The following TMEM131L variants were observed in gnomAD, a reference collection of about 807,000 sequenced individuals.
The protein encoded by TMEM131L is transmembrane 131 like.
TMEM131L carries 54 observed loss-of-function variants against 192.2 expected under a neutral mutation model. That is an observed-to-expected ratio of 0.28 (90% CI 0.23 to 0.35). The LOEUF (loss-of-function observed/expected upper bound fraction) is 0.35. Ranked by LOEUF, TMEM131L falls within the 10% of genes least tolerant of loss-of-function variation. TMEM131L has a pLI of 1.00. For synonymous variants in TMEM131L, 701 were observed against 704.9 expected (o/e 0.99, Z 0.09); for missense variants, 1,888 against 1,972.9 (o/e 0.96, Z 0.82).
At chr4:153,570,576 GCCTT>G (rs532473994) in intron 7 of TMEM131L, among the ~76,000 whole-genome samples, 144 of 152,268 alleles carry the variant, frequency 9.5e-4, no homozygotes, top group Middle Eastern at 6.8e-3. Flanking sequence ...TACTCGGCCT[GCCTT>G]CCTTCTGTTT....
At position 153,492,244 on chromosome 4, in the gene TMEM131L, C is replaced by T. The variant is rs376133728; in HGVS notation, c.239+18356C>T. On this transcript the variant is annotated intron_variant, in intron 3 of 34. Coordinates refer to ENST00000409959, the MANE Select transcript of TMEM131L (RefSeq NM_001131007.2). ...TGCCCAGGCTGGCCTCAAACTCCTG[C>T]GCTCAACAGTTCTCCCATTTTGGCC... is the stretch of plus-strand genomic sequence containing the variant. Among the ~76,000 whole-genome samples the T allele has an allele frequency of 1.2e-3, 188 of 152,226 alleles. 1 individual carries two copies. The highest frequency in any genetic ancestry group is 3.4e-3 in the Middle Eastern group (1 of 294).
At chr4:153,580,945 G>T (rs1313372531) in intron 8 of TMEM131L, 42 bp downstream of exon 8, 1 of 1,355,168 alleles carries the variant, frequency 7.4e-7, no homozygotes, top group Admixed American at 1.7e-5. Context: ...CTTTCCTCCT[G>T]CCTCTTTGCT....
intron 3 of TMEM131L, among the ~76,000 whole-genome samples, chr4:153,480,135 C>G (rs138220891): frequency 6.6e-6 from 1 of 152,186 alleles, no homozygotes; most frequent in Non-Finnish European, 1.5e-5. Context: ...GTCAGGAGAT[C>G]GAGACCATCC....
intron 3 of TMEM131L, among the ~76,000 whole-genome samples, chr4:153,497,146 G>A (rs972250697): frequency 1.3e-5 from 2 of 152,222 alleles, no homozygotes; most frequent in Admixed American, 6.5e-5. Flanking sequence ...ACTGGCATGA[G>A]CCAGCACACC....
Position 153,581,394 on chromosome 4 carries a change from C to A in TMEM131L, c.739-13C>A, listed in dbSNP as rs1578794134. The A allele has an allele frequency of 6.6e-7, 1 of 1,510,060 alleles. No individual in the cohort carries two copies. The highest frequency in any genetic ancestry group is 8.9e-7 in the Non-Finnish European group (1 of 1,125,752). The allele number at this position is 1,510,060 out of a possible 1,614,324, so 93.5% of individuals were successfully genotyped here. ...TTTTTTTTTTCCTTTTTTCCTCCTC[C>A]TTCCAACCATAGGGTTGTTATCTGG... On this transcript the variant is annotated splice_polypyrimidine_tract_variant and intron_variant, in intron 8 of 34. Coordinates refer to ENST00000409959, the MANE Select transcript of TMEM131L (RefSeq NM_001131007.2).
intron 7 of TMEM131L, among the ~76,000 whole-genome samples, chr4:153,561,584 G>A (rs1373072485): frequency 2.6e-5 from 4 of 152,158 alleles, no homozygotes; most frequent in East Asian, 1.9e-4. Context: ...GCATGTAGAT[G>A]TCTGGTAGTT....
In TMEM131L at chr4:153,537,988, A is replaced by G. The variant is rs187545145; in HGVS notation, c.240-12085A>G. On this transcript the variant is annotated intron_variant, in intron 3 of 34. Transcript: ENST00000409959. ...CAAGAACTCTGCAGTTTCACACAACACTGAACAACTTTAAGTAGAGCGGGA... is the reference window on the plus strand; with the variant it reads ...CAAGAACTCTGCAGTTTCACACAACGCTGAACAACTTTAAGTAGAGCGGGA... 2.2e-4 allele frequency among the ~76,000 whole-genome samples: 33 copies of G among 152,314 alleles called. No homozygotes were observed. In the East Asian group the frequency reaches 5.6e-3, roughly 26 times the overall value.
At chr4:153,582,886 GT>G (rs1561213011) in intron 9 of TMEM131L, among the ~76,000 whole-genome samples, 1 of 152,074 alleles carries the variant, frequency 6.6e-6, no homozygotes, top group Non-Finnish European at 1.5e-5. Context: ...CAGTTGGTTA[GT>G]TTCATTCAGA....
rs1161020906 is a variant in TMEM131L at position 153,628,027 on chromosome 4, G to A, written c.4207+340G>A. Among the ~76,000 whole-genome samples the A allele has an allele frequency of 2.0e-5, 3 of 152,250 alleles. No homozygotes were observed. In the East Asian group the frequency reaches 5.8e-4, roughly 29 times the overall value. On this transcript the variant is annotated intron_variant, in intron 31 of 34. Transcript: ENST00000409959. ...CAGAGATGACAGAAAAGTACAGAAGGTAGATGCGTGGCCCAAGGGAAGGAG... is the reference window on the plus strand; with the variant it reads ...CAGAGATGACAGAAAAGTACAGAAGATAGATGCGTGGCCCAAGGGAAGGAG...
intron 2 of TMEM131L, among the ~76,000 whole-genome samples, chr4:153,467,905 C>T (rs1020221096): frequency 6.6e-6 from 1 of 152,164 alleles, no homozygotes; most frequent in African/African-American, 2.4e-5. Context: ...AGATACAGTA[C>T]TGCAAAGCTT....
At chr4:153,617,665 T>C (rs2126676933) in intron 26 of TMEM131L, among the ~76,000 whole-genome samples, 1 of 152,316 alleles carries the variant, frequency 6.6e-6, no homozygotes, top group South Asian at 2.1e-4. Context: ...ATGTCTAACC[T>C]AGTTCTGCTT....
chr4:153,575,008 A>G (rs1346129322), intron 7 of TMEM131L, among the ~76,000 whole-genome samples: 2 of 152,272 alleles, frequency 1.3e-5, no homozygotes, highest in Admixed American at 6.5e-5. Context: ...TTCATATTTC[A>G]TAAGTTGTAG....
At chr4:153,607,366 G>T (rs937432397) in intron 25 of TMEM131L, among the ~76,000 whole-genome samples, 5 of 152,316 alleles carry the variant, frequency 3.3e-5, no homozygotes, top group Non-Finnish European at 7.3e-5. Flanking sequence ...AATGTGTGCT[G>T]TTTCCATTGT....
intron 3 of TMEM131L, among the ~76,000 whole-genome samples, chr4:153,482,410 A>G (rs1370346723): frequency 6.6e-6 from 1 of 152,202 alleles, no homozygotes; most frequent in Non-Finnish European, 1.5e-5. Context: ...TATATATTAA[A>G]ATTGTATTCA....
intron 19 of TMEM131L, 42 bp downstream of exon 19, chr4:153,593,913 C>G: frequency 7.7e-7 from 1 of 1,306,748 alleles, no homozygotes. Flanking sequence ...TGCCGACAAA[C>G]TAGACACATG....
intron 3 of TMEM131L, among the ~76,000 whole-genome samples, chr4:153,510,472 C>G (rs757330782): frequency 2.0e-5 from 3 of 152,158 alleles, no homozygotes; most frequent in Non-Finnish European, 4.4e-5. Context: ...TTTCACCTAC[C>G]CCTTATCAGA....
At chr4:153,475,317 G>A (rs1731452808) in intron 3 of TMEM131L, among the ~76,000 whole-genome samples, 4 of 147,402 alleles carry the variant, frequency 2.7e-5, no homozygotes, top group African/African-American at 9.7e-5. Flanking sequence ...ATGGCTCACT[G>A]TGTGATTTTT....
chr4:153,534,223 T>G (rs1736137297), intron 3 of TMEM131L, among the ~76,000 whole-genome samples: 1 of 152,220 alleles, frequency 6.6e-6, no homozygotes, highest in African/African-American at 2.4e-5. Context: ...TAGTGGACCT[T>G]GCAGTCTAAT....
intron 3 of TMEM131L, among the ~76,000 whole-genome samples, chr4:153,487,201 G>A (rs1183009571): frequency 1.3e-5 from 2 of 152,172 alleles, no homozygotes; most frequent in Admixed American, 1.3e-4. Flanking sequence ...TTTTTGTGGA[G>A]GATTAAATAA....
Sources: gnomAD v4.1 joint callset for allele counts (sites outside exome capture counted in the v4.1 genomes callset) on GRCh38, gnomAD v4.1.1 for gene constraint, MANE v1.5 for transcripts, NCBI Gene and HGNC (gene_info 2026-07-23, HGNC 2026-07-21) for gene names.